The following RUBCN variants were observed in gnomAD, a reference collection of about 807,000 sequenced individuals.
The protein encoded by RUBCN is run domain Beclin-1-interacting and cysteine-rich domain-containing protein.
RUBCN carries 74 observed loss-of-function variants against 113.2 expected under a neutral mutation model. That is an observed-to-expected ratio of 0.65 (90% confidence interval 0.54 to 0.79). The LOEUF (loss-of-function observed/expected upper bound fraction) is 0.79, where lower values mean the gene tolerates loss of function less well. Ranked by LOEUF, RUBCN falls within the 30% of genes least tolerant of loss-of-function variation. The pLI is 0.00. For missense variants in RUBCN, 1,109 were observed against 1,251.7 expected, an observed-to-expected ratio of 0.89 and a Z score of 1.72; for synonymous variants, 480 against 490.0, an observed-to-expected ratio of 0.98 and a Z score of 0.27.
intron 2 of RUBCN, among the ~76,000 whole-genome samples, chr3:197,708,829 T>C (rs764167944): frequency 3.9e-5 from 6 of 152,180 alleles, no homozygotes; most frequent in Admixed American, 6.6e-5. Context: ...TAAACACTAG[T>C]ATGCTCTGAA....
chr3:197,686,883 C>T (rs1404984872), intron 11 of RUBCN, among the ~76,000 whole-genome samples: 31 of 152,016 alleles, frequency 2.0e-4, no homozygotes, highest in East Asian at 1.9e-4. Context: ...ACTTTTGCAC[C>T]AACTTCATAG....
chr3:197,728,527 C>A (rs897602465), intron 1 of RUBCN, among the ~76,000 whole-genome samples: 1 of 152,066 alleles, frequency 6.6e-6, no homozygotes, highest in Non-Finnish European at 1.5e-5. Flanking sequence ...AGGAGAAATG[C>A]GAAGAAAGTG....
chr3:197,691,257 A>G (rs568041143), intron 11 of RUBCN: 20 of 566,826 alleles, frequency 3.5e-5, no homozygotes, highest in Non-Finnish European at 4.5e-5. Context: ...GCTCCCAAAC[A>G]TGAAATGGCG....
In RUBCN at chr3:197,700,687, G is replaced by A. The variant is rs748199736; in HGVS notation, c.1187C>T (p.Thr396Ile). The change falls in exon 7 of 20, where the codon ACT becomes ATT. Residue 396 changes from threonine to isoleucine, a missense_variant. Thr to Ile is a moderately conservative substitution (Grantham distance 89). Coordinates refer to ENST00000296343, the MANE Select transcript of RUBCN (RefSeq NM_014687.4). ...GCTTTTCTTTGCCCCACTGGTGACA[G>A]TGAGTGTCTGCCCCTCTGAGAAGCT... ...RSSFSEGQTL[T>I]VTSGAKKSHI... The A allele has an allele frequency of 1.2e-6, 2 of 1,614,182 alleles. No homozygotes were observed. Among genetic ancestry groups the A allele is most frequent in the South Asian group, 2.2e-5 (2 of 91,086 alleles).
intron 11 of RUBCN, among the ~76,000 whole-genome samples, chr3:197,690,050 G>C (rs187840480): frequency 9.9e-5 from 15 of 152,264 alleles, no homozygotes; most frequent in Non-Finnish European, 1.9e-4. Flanking sequence ...GAGAACACGG[G>C]AGCTCCTGTA....
chr3:197,744,410 C>A (rs990118975), intron 1 of RUBCN, among the ~76,000 whole-genome samples: 1 of 152,072 alleles, frequency 6.6e-6, no homozygotes, highest in Admixed American at 6.6e-5. Context: ...GCAAGAAAAA[C>A]CTTTTGATAA....
At chr3:197,729,703 G>C (rs1159767808) in intron 1 of RUBCN, among the ~76,000 whole-genome samples, 7 of 152,092 alleles carry the variant, frequency 4.6e-5, no homozygotes, top group Non-Finnish European at 7.4e-5. Context: ...GATTACAGGG[G>C]TGCACAACCA....
rs771833118 is a variant in RUBCN at position 197,701,679 on chromosome 3, G to A, written c.727+29C>T. On this transcript the variant is annotated intron_variant, in intron 6 of 19. Coordinates refer to ENST00000296343, the MANE Select transcript of RUBCN (RefSeq NM_014687.4). ...TTACTTTCCAGGGCTGGGGATAAAT[G>A]TAATGACCACTTTTTCCTGTCCCCA... 1.1e-5 allele frequency: 18 copies of A among 1,608,964 alleles called. No individual in the cohort carries two copies. The East Asian group carries it at 2.0e-4, about 18-fold the overall frequency.
rs528169686 is a variant in RUBCN, at chr3:197,730,996, G to GTT, written c.65+5657_65+5658dup. On this transcript the variant is annotated intron_variant, in intron 1 of 19. Coordinates refer to ENST00000296343, the MANE Select transcript of RUBCN (RefSeq NM_014687.4). ...ATTATGTGTTAACTAGAGGTTTTTTGTTTTTGTTTTTGTTTTTATTGATCA... is the reference window on the plus strand; with the variant it reads ...ATTATGTGTTAACTAGAGGTTTTTTGTTTTTTTGTTTTTGTTTTTATTGATCA... Among the ~76,000 whole-genome samples, 382 of 134,806 alleles carry GTT rather than the reference G, an allele frequency of 2.8e-3. 3 individuals carry two copies. In the Middle Eastern group the frequency reaches 0.045, roughly 16 times the overall value. The allele number at this position is 134,806 out of a possible 152,430, so 88.4% of individuals were successfully genotyped here.
At chr3:197,737,362 G>A (rs1728267755), upstream of RUBCN, 2 of 150,816 alleles carry the variant, frequency 1.3e-5, no homozygotes, top group Non-Finnish European at 2.9e-5. Flanking sequence ...ACAAACAAGA[G>A]CACAGGTTGC....
At chr3:197,703,873 G>A (rs1240311898) in intron 4 of RUBCN, among the ~76,000 whole-genome samples, 1 of 152,198 alleles carries the variant, frequency 6.6e-6, no homozygotes, top group African/African-American at 2.4e-5. Flanking sequence ...CTGGCTCTGA[G>A]TGACTTTGGC....
chr3:197,738,822 G>C (rs895364706), upstream of RUBCN, among the ~76,000 whole-genome samples: 10 of 151,916 alleles, frequency 6.6e-5, no homozygotes, highest in African/African-American at 2.4e-4. Context: ...AAATTCCTGG[G>C]CTCAAGCAGT....
intron 7 of RUBCN, among the ~76,000 whole-genome samples, chr3:197,697,455 C>G (rs948076164): frequency 1.3e-5 from 2 of 152,190 alleles, no homozygotes; most frequent in Non-Finnish European, 2.9e-5. Context: ...TTTCTGACAT[C>G]TTGACATTAG....
intron 7 of RUBCN, among the ~76,000 whole-genome samples, chr3:197,700,054 G>A (rs930690269): frequency 6.6e-6 from 1 of 152,160 alleles, no homozygotes; most frequent in African/African-American, 2.4e-5. Context: ...GGTGTTTGGT[G>A]AGGGAGGTCC....
chr3:197,718,481 ACT>A (rs1725788269), intron 1 of RUBCN, among the ~76,000 whole-genome samples: 1 of 151,898 alleles, frequency 6.6e-6, no homozygotes, highest in African/African-American at 2.4e-5. Context: ...GAGACACTTA[ACT>A]CTGTCACCCA....
At chr3:197,692,074 C>G (rs910515349) in intron 11 of RUBCN, among the ~76,000 whole-genome samples, 1 of 152,020 alleles carries the variant, frequency 6.6e-6, no homozygotes, top group African/African-American at 2.4e-5. Flanking sequence ...TCGAAAGAAC[C>G]AACCACGTCA....
chr3:197,730,746 T>G (rs529083044), intron 1 of RUBCN, among the ~76,000 whole-genome samples: 2 of 151,642 alleles, frequency 1.3e-5, no homozygotes, highest in Non-Finnish European at 2.9e-5. Flanking sequence ...ATGAGAAACA[T>G]ATGGCTGCTT....
chr3:197,669,633 T>C lies in RUBCN; in HGVS notation c.*5385A>G, dbSNP rs1719601311. Among the ~76,000 whole-genome samples the C allele has an allele frequency of 6.6e-6, 1 of 152,230 alleles. No individual in the cohort carries two copies. Among genetic ancestry groups the C allele is most frequent in the African/African-American group, 2.4e-5 (1 of 41,462 alleles). On this transcript the variant is annotated 3_prime_UTR_variant, in exon 20 of 20. Transcript: ENST00000296343. ...TTAGCTCTCTCTACTCTAAAGTTGC[T>C]ATTTTCCTCTTTCTATATCCTTTTA...
chr3:197,703,301 G>A (rs1723888207), intron 5 of RUBCN, among the ~76,000 whole-genome samples: 1 of 147,460 alleles, frequency 6.8e-6, no homozygotes, highest in Non-Finnish European at 1.5e-5. Context: ...GGGAGGCTGA[G>A]GCACAAGAAT....
Sources: gnomAD v4.1 joint callset for allele counts (sites outside exome capture counted in the v4.1 genomes callset) on GRCh38, gnomAD v4.1.1 for gene constraint, MANE v1.5 for transcripts, NCBI Gene and HGNC (gene_info 2026-07-23, HGNC 2026-07-21) for gene names.